The following CPNE2 variants were observed in gnomAD, a reference collection of about 807,000 sequenced individuals.
CPNE2 encodes the protein copine-2.
CPNE2 carries 42 observed loss-of-function variants against 69.7 expected under a neutral mutation model. That is an observed-to-expected ratio of 0.60 (90% CI 0.47 to 0.78). The LOEUF is 0.78. Among genes scored for constraint, CPNE2 ranks in the 30% least tolerant of loss-of-function variants. The probability of loss-of-function intolerance (pLI) is 0.00; values close to 1 mark genes in which losing one functional copy is unlikely to be tolerated. For missense variants in CPNE2, 587 were observed against 732.0 expected (o/e 0.80, Z 2.29); for synonymous variants, 294 against 289.8 (o/e 1.01, Z -0.15).
intron 14 of CPNE2, 145 bp from the exon 15 acceptor site, chr16:57,145,939 AT>A: frequency 1.5e-6 from 1 of 679,356 alleles, no homozygotes; most frequent in Non-Finnish European, 2.6e-6. Flanking sequence ...AGCAGGACGC[AT>A]AGTGAGTTGT....
Position 57,126,560 on chromosome 16 carries a change from G to A in CPNE2, c.1061+567G>A, listed in dbSNP as rs544505749. Reference sequence around the variant, plus strand: ...GCTGTGTGAAAGTGTGGCAGGTGTGGCTACCAACAGGATATGACATCACTG... The same window carrying A: ...GCTGTGTGAAAGTGTGGCAGGTGTGACTACCAACAGGATATGACATCACTG... On this transcript the variant is annotated intron_variant, in intron 11 of 15. Coordinates refer to ENST00000290776, the MANE Select transcript of CPNE2 (RefSeq NM_152727.6). Among the ~76,000 whole-genome samples the A allele has an allele frequency of 4.1e-4, 63 of 152,332 alleles. 1 individual carries two copies. The highest frequency in any genetic ancestry group is 4.1e-3 in the Admixed American group (62 of 15,306).
intron 11 of CPNE2, 132 bp downstream of exon 11, chr16:57,126,125 A>G (rs1412001909): frequency 8.6e-7 from 1 of 1,157,880 alleles, no homozygotes; most frequent in African/African-American, 1.5e-5. Context: ...AGGTGCAGTT[A>G]TTACCCATTC....
chr16:57,147,773 T>C lies in CPNE2; in HGVS notation c.*115T>C, dbSNP rs2069971299. On this transcript the variant is annotated 3_prime_UTR_variant, in exon 16 of 16. Transcript: ENST00000290776. Reference sequence around the variant, plus strand: ...TTTTTTACCGATCCCCTTTTTTATTTTTTACAACCGGACCTCCACCCCCAA... The same window carrying C: ...TTTTTTACCGATCCCCTTTTTTATTCTTTACAACCGGACCTCCACCCCCAA... The C allele has an allele frequency of 4.9e-6, 3 of 606,366 alleles. No homozygotes were observed. Among genetic ancestry groups the C allele is most frequent in the Non-Finnish European group, 7.7e-6 (3 of 388,318 alleles). The allele number at this position is 606,366 out of a possible 1,614,324, so 37.6% of individuals were successfully genotyped here. A position where few individuals can be genotyped will look rare whatever the true frequency, so the allele number is the denominator to read the frequency against.
rs771609147 is a variant in CPNE2 at position 57,123,490 on chromosome 16, T to G, written c.927+17T>G. On this transcript the variant is annotated intron_variant, in intron 10 of 15. Transcript: ENST00000290776. ...ATGTTCACCGTAAGGCTCTCCCCGCTGGCTCCCTCTGCACCCCCATCCCAG... is the reference window on the plus strand; with the variant it reads ...ATGTTCACCGTAAGGCTCTCCCCGCGGGCTCCCTCTGCACCCCCATCCCAG... 3 of 1,612,298 alleles carry G rather than the reference T, an allele frequency of 1.9e-6. No homozygotes were observed. The highest frequency in any genetic ancestry group is 2.5e-6 in the Non-Finnish European group (3 of 1,179,738).
chr16:57,117,031 T>G (rs76533352), intron 4 of CPNE2, among the ~76,000 whole-genome samples: 6,796 of 152,152 alleles, frequency 0.045, 219 homozygotes, highest in Non-Finnish European at 0.069. Context: ...CAATGTGAAC[T>G]GATGGGACTC....
intron 10 of CPNE2, chr16:57,124,429 T>A: frequency 6.6e-6 from 3 of 455,436 alleles, no homozygotes; most frequent in Non-Finnish European, 1.3e-5. Context: ...GAGATTCATA[T>A]GCATTTGTCG....
intron 13 of CPNE2, among the ~76,000 whole-genome samples, chr16:57,136,376 C>T (rs1220999288): frequency 2.0e-5 from 3 of 152,206 alleles, no homozygotes; most frequent in Non-Finnish European, 4.4e-5. Flanking sequence ...TCTGTACAGG[C>T]ACTGTGCGAA....
At chr16:57,144,644 G>C (rs541760787) in intron 14 of CPNE2, 1 of 152,406 alleles carries the variant, frequency 6.6e-6, no homozygotes, top group South Asian at 2.1e-4. Flanking sequence ...TAAGGACAGA[G>C]CTGAGCTGAA....
Position 57,114,934 on chromosome 16 carries a change from C to CCAAAA in CPNE2, c.361-542_361-541insCAAAA, listed in dbSNP as rs1555546226. ...CAACATAATGAGCCCTTGTCTCTACCAAAAAAAAAAAAAAAAAAAAAAAAA... is the reference window on the plus strand; with the variant it reads ...CAACATAATGAGCCCTTGTCTCTACCCAAAAAAAAAAAAAAAAAAAAAAAAAAAAA... On this transcript the variant is annotated intron_variant, in intron 3 of 15. Transcript: ENST00000290776. Among the ~76,000 whole-genome samples the CCAAAA allele has an allele frequency of 9.0e-4, 35 of 39,064 alleles. 2 individuals are homozygous for CCAAAA. Among genetic ancestry groups the CCAAAA allele is most frequent in the Middle Eastern group, 0.021 (1 of 48 alleles). The allele number at this position is 39,064 out of a possible 152,430, so 25.6% of individuals were successfully genotyped here.
In CPNE2 at chr16:57,119,642, C is replaced by T. The variant is rs1162180494; in HGVS notation, c.673C>T (p.Pro225Ser). The change falls in exon 7 of 16, where the codon CCC (proline) becomes TCC (serine). Residue 225 changes from proline (P) to serine (S), a missense_variant. This residue lies in a region of CPNE2 where 269 missense variants were observed against 300.5 expected (regional missense o/e 0.90). Coordinates refer to ENST00000290776, the MANE Select transcript of CPNE2 (RefSeq NM_152727.6). ...CCTGTGTGATGGGGACATGGAGAAG[C>T]CCATCCAGGTGAGGGGGCTCTGGGG... ...VSLCDGDMEK[P>S]IQVMCYDYDN... 1 of 1,608,492 alleles carries T rather than the reference C, an allele frequency of 6.2e-7. No individual in the cohort carries two copies. The highest frequency in any genetic ancestry group is 8.5e-7 in the Non-Finnish European group (1 of 1,177,570).
intron 14 of CPNE2, chr16:57,144,688 C>T (rs545999496): frequency 6.6e-6 from 1 of 152,424 alleles, no homozygotes; most frequent in South Asian, 2.1e-4. Flanking sequence ...TGGCTCACGT[C>T]TGTAATCCCA....
chr16:57,104,075 C>T (rs541302218), intron 1 of CPNE2, among the ~76,000 whole-genome samples: 288 of 152,260 alleles, frequency 1.9e-3, no homozygotes, highest in African/African-American at 6.5e-3. Flanking sequence ...CACCACCACG[C>T]CCAGCTAATT....
intron 9 of CPNE2, 55 bp from the exon 10 acceptor site, chr16:57,123,359 C>G (rs774691813): frequency 1.1e-5 from 17 of 1,549,352 alleles, no homozygotes; most frequent in Non-Finnish European, 1.5e-5. Context: ...ACAACTCCCC[C>G]ATGGGGAGTG....
intron 4 of CPNE2, among the ~76,000 whole-genome samples, chr16:57,116,199 A>T (rs2069718146): frequency 6.7e-6 from 1 of 149,652 alleles, no homozygotes; most frequent in African/African-American, 2.5e-5. Flanking sequence ...GCTGTGAAGG[A>T]CCCCTCAGAC....
chr16:57,137,385 A>C, intron 14 of CPNE2, 103 bp downstream of exon 14: 1 of 1,403,334 alleles, frequency 7.1e-7, no homozygotes. Context: ...CCTAGTGGAC[A>C]CCTCTGGGCC....
chr16:57,133,571 A>G (rs920651452), intron 12 of CPNE2, among the ~76,000 whole-genome samples: 12 of 152,114 alleles, frequency 7.9e-5, no homozygotes, highest in African/African-American at 2.9e-4. Flanking sequence ...CCCCATCGTC[A>G]TGTCTTGGAG....
At chr16:57,124,313 C>G (rs934608144) in intron 10 of CPNE2, 57 of 440,902 alleles carry the variant, frequency 1.3e-4, no homozygotes, top group Admixed American at 1.2e-3. Flanking sequence ...AACTCCTGGG[C>G]TCAAGCGATC....
intron 4 of CPNE2, 151 bp downstream of exon 4, chr16:57,115,701 G>C (rs1374004463): frequency 1.7e-6 from 1 of 581,158 alleles, no homozygotes; most frequent in Non-Finnish European, 3.0e-6. Context: ...CTTAGCAACC[G>C]GCTGCTGGCT....
chr16:57,123,338 G>T lies in CPNE2; in HGVS notation c.868-76G>T. Reference sequence around the variant, plus strand: ...CTCCTTGTCCCTACTGAGGTTGCAGGACATAGAGCAACAACTCCCCCATGG... The same window carrying T: ...CTCCTTGTCCCTACTGAGGTTGCAGTACATAGAGCAACAACTCCCCCATGG... On this transcript the variant is annotated intron_variant, in intron 9 of 15. Coordinates refer to ENST00000290776, the MANE Select transcript of CPNE2 (RefSeq NM_152727.6). 3 of 1,481,066 alleles carry T rather than the reference G, an allele frequency of 2.0e-6. No individual in the cohort carries two copies. The African/African-American group carries it at 4.1e-5, about 20-fold the overall frequency. The allele number at this position is 1,481,066 out of a possible 1,614,324, so 91.7% of individuals were successfully genotyped here. A position where few individuals can be genotyped will look rare whatever the true frequency, so the allele number is the denominator to read the frequency against.
Sources: gnomAD v4.1 joint callset for allele counts (sites outside exome capture counted in the v4.1 genomes callset) on GRCh38, gnomAD v4.1.1 for gene constraint, gnomAD v4.1.1 regional missense constraint, MANE v1.5 for transcripts, NCBI Gene and HGNC (gene_info 2026-07-23, HGNC 2026-07-21) for gene names.